The following PLEKHA4 variants were observed in gnomAD, a reference collection of about 807,000 sequenced individuals.
The protein encoded by PLEKHA4 is pleckstrin homology domain-containing family A member 4.
Under a neutral mutation model 94.7 loss-of-function variants are expected in PLEKHA4, and 73 were observed. The observed-to-expected ratio is 0.77, with a 90% CI of 0.64 to 0.94. PLEKHA4 has a LOEUF of 0.94. Ranked by LOEUF, PLEKHA4 falls within the 40% of genes least tolerant of loss-of-function variation. The probability of loss-of-function intolerance (pLI) is 0.00; values close to 1 mark genes in which losing one functional copy is unlikely to be tolerated. For synonymous variants in PLEKHA4, 449 were observed against 437.1 expected (o/e 1.03, Z -0.34); for missense variants, 1,049 against 1,054.1 (o/e 1.00, Z 0.07).
intron 14 of PLEKHA4, 93 bp from the exon 15 acceptor site, chr19:48,845,709 G>T: frequency 9.2e-7 from 1 of 1,086,126 alleles, no homozygotes; most frequent in South Asian, 1.7e-5. Flanking sequence ...AATACAGTCT[G>T]AATAGGATTC....
chr19:48,864,325 C>T (rs1252492943), intron 3 of PLEKHA4, among the ~76,000 whole-genome samples: 1 of 151,970 alleles, frequency 6.6e-6, no homozygotes, highest in Non-Finnish European at 1.5e-5. Context: ...CCCAAGCTGG[C>T]CCGGCTAATT....
chr19:48,854,390 A>T (rs2036324070), intron 9 of PLEKHA4, 126 bp from the exon 10 acceptor site: 1 of 865,190 alleles, frequency 1.2e-6, no homozygotes, highest in African/African-American at 1.7e-5. Flanking sequence ...TTATTTAGAG[A>T]TAGGGTCTTG....
chr19:48,849,342 C>T lies in PLEKHA4; in HGVS notation c.1426-1302G>A, dbSNP rs570892424. ...GTTGTTTTTTAAGATGGAGTCTCTC[C>T]CTATCACCCAGGCTGGAGTGCAGTG... On this transcript the variant is annotated intron_variant, in intron 13 of 19. Coordinates refer to ENST00000263265, the MANE Select transcript of PLEKHA4 (RefSeq NM_020904.3). Among the ~76,000 whole-genome samples the T allele has an allele frequency of 2.6e-5, 4 of 150,952 alleles. No homozygotes were observed. The South Asian group carries it at 8.4e-4, about 32-fold the overall frequency.
In PLEKHA4 at chr19:48,859,673, C is replaced by G; in HGVS notation, c.488G>C (p.Arg163Thr). The G allele has an allele frequency of 6.2e-7, 1 of 1,611,790 alleles. No individual in the cohort carries two copies. Among genetic ancestry groups the G allele is most frequent in the Non-Finnish European group, 8.5e-7 (1 of 1,179,916 alleles). ...RAEGDDYGQP[R>T]SPARPQPGEG... The stretch of plus-strand genomic sequence containing the variant: ...CCCGGGCTGGGGTCGTGCAGGTGAC[C>G]TGGGTTGCCCACTAGCGAGTGGACA... The change falls in exon 7 of 20, where the codon AGG (arginine) becomes ACG (threonine). Residue 163 changes from arginine to threonine, a missense_variant. Physicochemically the swap from Arg to Thr is moderately conservative, Grantham distance 71 (BLOSUM62 -1). Transcript: ENST00000263265.
rs750110683 is a variant in PLEKHA4 at position 48,861,464 on chromosome 19, G to A, written c.303C>T (p.Leu101=). 6.2e-7 allele frequency: 1 copy of A among 1,614,032 alleles called. No individual in the cohort carries two copies. The highest frequency in any genetic ancestry group is 8.5e-7 in the Non-Finnish European group (1 of 1,180,046). ...REESVLGSVL[L]PSYNIRPDGP... ...CATCTGGTCTAATATTGTAGCTGGG[G>A]AGCAGGACGCTGCCTAGGACACTCT... Residue 101 remains leucine (L), a synonymous_variant, in exon 5 of 20, where the codon CTC becomes CTT. Transcript: ENST00000263265.
intron 9 of PLEKHA4, among the ~76,000 whole-genome samples, chr19:48,854,984 G>A (rs534220053): frequency 6.6e-6 from 1 of 151,994 alleles, no homozygotes; most frequent in Non-Finnish European, 1.5e-5. Flanking sequence ...GGGATTACAG[G>A]CATGAACCAC....
chr19:48,864,818 G>A (rs982469830), intron 3 of PLEKHA4, among the ~76,000 whole-genome samples: 5 of 152,106 alleles, frequency 3.3e-5, no homozygotes, highest in Non-Finnish European at 5.9e-5. Flanking sequence ...CGATCTTCCC[G>A]TCTTGGCCTC....
chr19:48,858,851 T>C lies in PLEKHA4; in HGVS notation c.972+9A>G. On this transcript the variant is annotated intron_variant, in intron 8 of 19. Transcript: ENST00000263265. ...AACGTAGTCCCCTCCTTCTCACCTCTCTGCTCACCTGTGTTCTGGGCTCCT... is the reference window on the plus strand; with the variant it reads ...AACGTAGTCCCCTCCTTCTCACCTCCCTGCTCACCTGTGTTCTGGGCTCCT... The C allele has an allele frequency of 6.2e-7, 1 of 1,613,218 alleles. No individual in the cohort carries two copies. The highest frequency in any genetic ancestry group is 8.5e-7 in the Non-Finnish European group (1 of 1,179,718).
At chr19:48,864,229 C>T (rs575819583) in intron 3 of PLEKHA4, among the ~76,000 whole-genome samples, 2 of 150,710 alleles carry the variant, frequency 1.3e-5, no homozygotes, top group East Asian at 2.0e-4. Flanking sequence ...AGTGCAATGG[C>T]GCAACCTCGG....
chr19:48,858,240 T>A (rs1266650828), intron 8 of PLEKHA4, among the ~76,000 whole-genome samples: 1 of 152,102 alleles, frequency 6.6e-6, no homozygotes, highest in African/African-American at 2.4e-5. Context: ...ACTTGCAAGG[T>A]GAACTGGGGA....
intron 17 of PLEKHA4, 142 bp downstream of exon 17, chr19:48,841,007 C>G: frequency 1.1e-6 from 1 of 877,144 alleles, no homozygotes; most frequent in Admixed American, 2.6e-5. Flanking sequence ...GACTCTAGCA[C>G]AAGTACAAAC....
In PLEKHA4 at chr19:48,861,407, G is replaced by A. The variant is rs757929474; in HGVS notation, c.360C>T (p.Thr120=). The change falls in exon 5 of 20, where the codon ACC becomes ACT. Residue 120 remains threonine (T), a synonymous_variant. Transcript: ENST00000263265. ...GPGAPRGRRF[T]FTAEHPGMRT... ...CATGGATGGATGGACTCACGGTGAAGGTGAAGCGCCGCCCTCGGGGGGCTC... is the reference window on the plus strand; with the variant it reads ...CATGGATGGATGGACTCACGGTGAAAGTGAAGCGCCGCCCTCGGGGGGCTC... The A allele has an allele frequency of 3.1e-6, 5 of 1,613,210 alleles. No homozygotes were observed. The highest frequency in any genetic ancestry group is 4.2e-6 in the Non-Finnish European group (5 of 1,179,768).
rs145345775 is a variant in PLEKHA4, at chr19:48,843,183, T to A, written c.1744-1873A>T. On this transcript the variant is annotated intron_variant, in intron 16 of 19. Transcript: ENST00000263265. ...TTTTTTTAAATTATTTTATTTTATT[T>A]TATTTTATTTTTGAGATGGAGTTTC... Among the ~76,000 whole-genome samples, 1,373 of 152,126 alleles carry A rather than the reference T, an allele frequency of 9.0e-3. 20 individuals carry two copies. The highest frequency in any genetic ancestry group is 0.032 in the African/African-American group (1,308 of 41,492).
chr19:48,861,831 G>C, intron 3 of PLEKHA4, 139 bp from the exon 4 acceptor site: 1 of 810,272 alleles, frequency 1.2e-6, no homozygotes, highest in Non-Finnish European at 2.0e-6. Context: ...TAGGGATCAA[G>C]AGAGTGGGGT....
In PLEKHA4 at chr19:48,837,503, G is replaced by A. The variant is rs1234382710; in HGVS notation, c.2126C>T (p.Pro709Leu). The change falls in exon 20 of 20, where the codon CCT becomes CTT. Residue 709 changes from proline (P) to leucine (L), a missense_variant. By Grantham distance (98) the Pro-to-Leu change is moderately conservative. Coordinates refer to ENST00000263265, the MANE Select transcript of PLEKHA4 (RefSeq NM_020904.3). The surrounding 1 kb of genome is among the most constrained non-coding windows in gnomAD (Gnocchi z 4.3). ...QGDPLPGVPL[P>L]PSDPTRQETP... is the part of the protein sequence containing the mutation. ...CTCCTGGCGCGTGGGGTCCGAAGGAGGCAGCGGCACACCGGGAAGAGGGTC... is the reference window on the plus strand; with the variant it reads ...CTCCTGGCGCGTGGGGTCCGAAGGAAGCAGCGGCACACCGGGAAGAGGGTC... 2.5e-6 allele frequency: 4 copies of A among 1,613,170 alleles called. No homozygotes were observed. Among genetic ancestry groups the A allele is most frequent in the Non-Finnish European group, 3.4e-6 (4 of 1,179,632 alleles).
chr19:48,857,306 G>A (rs1439224228), intron 9 of PLEKHA4, 116 bp downstream of exon 9: 6 of 577,968 alleles, frequency 1.0e-5, no homozygotes, highest in Non-Finnish European at 1.5e-5. Context: ...ACCTACCCAG[G>A]GTCTTTGAAA....
chr19:48,854,132 C>G, intron 10 of PLEKHA4, 45 bp from the exon 11 acceptor site: 1 of 1,613,552 alleles, frequency 6.2e-7, no homozygotes, highest in Non-Finnish European at 8.5e-7. Context: ...AGATCTGGCT[C>G]TTCCCCTGCC....
rs148752106 is a variant in PLEKHA4, at chr19:48,847,414, C to T, written c.1566+486G>A. On this transcript the variant is annotated intron_variant, in intron 14 of 19. Transcript: ENST00000263265. Reference sequence around the variant, plus strand: ...TCACACCACTGCAGTCCAGCCTGGGCGACAGAATGAGATCCCATCTTAAAA... The same window carrying T: ...TCACACCACTGCAGTCCAGCCTGGGTGACAGAATGAGATCCCATCTTAAAA... 2.7e-3 allele frequency among the ~76,000 whole-genome samples: 413 copies of T among 151,856 alleles called. 3 individuals are homozygous for T. The highest frequency in any genetic ancestry group is 0.014 in the Middle Eastern group (4 of 294).
rs535547053 is a variant in PLEKHA4 at position 48,861,633 on chromosome 19, G to C, written c.252C>G (p.Leu84=). 4.6e-5 allele frequency: 74 copies of C among 1,614,218 alleles called. No individual in the cohort carries two copies. The South Asian group carries it at 6.6e-4, about 14-fold the overall frequency. The part of the protein sequence containing the change: ...RRWFVLSGHC[L]FYYKDSREES... ...CCAGCCACTGACCCTTGTAATAAAA[G>C]AGGCAATGGCCGGAGAGGACGAACC... The change falls in exon 4 of 20, where the codon CTC becomes CTG. Residue 84 remains leucine (L), a synonymous_variant. Coordinates refer to ENST00000263265, the MANE Select transcript of PLEKHA4 (RefSeq NM_020904.3).
Sources: allele counts gnomAD v4.1 joint callset (sites outside exome capture counted in the v4.1 genomes callset), GRCh38; gene constraint gnomAD v4.1.1; non-coding constraint Gnocchi (gnomAD v3.1); transcripts MANE v1.5; gene names NCBI Gene and HGNC (gene_info 2026-07-23, HGNC 2026-07-21).